AOX1: variants seen among roughly 807,000 people sequenced by gnomAD.
The protein encoded by AOX1 is aldehyde oxidase.
Under a neutral mutation model 169.5 loss-of-function variants are expected in AOX1, and 153 were observed. That is an observed-to-expected ratio of 0.90 (90% CI 0.79 to 1.03). The LOEUF (loss-of-function observed/expected upper bound fraction) is 1.03. AOX1 is among the 50% of genes least tolerant of loss of function. AOX1 has a pLI of 0.00. For missense variants in AOX1, 1,656 were observed against 1,663.9 expected, an observed-to-expected ratio of 1.00 and a Z score of 0.08; for synonymous variants, 562 against 581.9, an observed-to-expected ratio of 0.97 and a Z score of 0.49.
chr2:200,670,020 G>A (rs2035997026), intron 34 of AOX1, among the ~76,000 whole-genome samples: 1 of 151,780 alleles, frequency 6.6e-6, no homozygotes, highest in Non-Finnish European at 1.5e-5. Context: ...CTCCTGTTTT[G>A]CTCCCTTCCT....
chr2:200,591,207 C>T (rs17448359), intron 1 of AOX1, among the ~76,000 whole-genome samples: 24,931 of 152,130 alleles, frequency 0.16, 2,301 homozygotes, highest in Non-Finnish European at 0.21. Context: ...TAAAGAAGAA[C>T]AGCAGAAGAT....
rs750783401 is a variant in AOX1, at chr2:200,661,648, A to G, written c.3428+17A>G. ...ATACTTCAGGTAAATACTCCCTCTG[A>G]TCACATGCTATGGAGAAGAACAGTG... On this transcript the variant is annotated intron_variant, in intron 30 of 34. Coordinates refer to ENST00000374700, the MANE Select transcript of AOX1 (RefSeq NM_001159.4). 35 of 1,586,744 alleles carry G rather than the reference A, an allele frequency of 2.2e-5. No individual in the cohort carries two copies. The highest frequency in any genetic ancestry group is 1.9e-5 in the Non-Finnish European group (22 of 1,155,488).
intron 5 of AOX1, among the ~76,000 whole-genome samples, chr2:200,601,073 C>CTGTTTTTTT (rs2034403898): frequency 8.3e-6 from 1 of 120,482 alleles, no homozygotes; most frequent in Non-Finnish European, 1.7e-5. Flanking sequence ...GCTTAGAGTG[C>CTGTTTTTTT]TTTTTTTTTT....
chr2:200,667,377 G>T (rs2540068), intron 32 of AOX1, among the ~76,000 whole-genome samples: 1 of 151,012 alleles, frequency 6.6e-6, no homozygotes, highest in Non-Finnish European at 1.5e-5. Flanking sequence ...TACTGGGTTT[G>T]CGTGTCTCGA....
At chr2:200,601,531 C>T (rs2034413154) in intron 5 of AOX1, among the ~76,000 whole-genome samples, 1 of 151,976 alleles carries the variant, frequency 6.6e-6, no homozygotes, top group South Asian at 2.1e-4. Flanking sequence ...TAACATTGAC[C>T]GTGGTGATGG....
At chr2:200,597,270 G>A (rs1428404876) in intron 3 of AOX1, 127 bp from the exon 4 acceptor site, 1 of 549,398 alleles carries the variant, frequency 1.8e-6, no homozygotes, top group African/African-American at 1.9e-5. Context: ...AGGAGGAAAT[G>A]TATGTGTAAA....
chr2:200,593,960 A>G (rs757287227), intron 2 of AOX1, among the ~76,000 whole-genome samples: 2 of 152,196 alleles, frequency 1.3e-5, no homozygotes, highest in Non-Finnish European at 2.9e-5. Flanking sequence ...AGTGACAGAA[A>G]ACTCCACCTC....
chr2:200,610,525 C>T (rs2034612895), intron 12 of AOX1, among the ~76,000 whole-genome samples: 1 of 152,078 alleles, frequency 6.6e-6, no homozygotes, highest in Non-Finnish European at 1.5e-5. Flanking sequence ...TTAAACTGTT[C>T]CTCTTCCTTA....
intron 1 of AOX1, among the ~76,000 whole-genome samples, chr2:200,590,720 A>C (rs146807492): frequency 3.2e-4 from 48 of 152,334 alleles, no homozygotes; most frequent in Non-Finnish European, 5.3e-4. Context: ...ATATTCCTCA[A>C]GCCTAAAATG....
At chr2:200,613,232 G>C (rs1035532496) in intron 14 of AOX1, among the ~76,000 whole-genome samples, 1 of 152,096 alleles carries the variant, frequency 6.6e-6, no homozygotes, top group African/African-American at 2.4e-5. Flanking sequence ...AGCATTACTT[G>C]GTATCAGCTG....
At chr2:200,618,580 T>C (rs893433011) in intron 16 of AOX1, among the ~76,000 whole-genome samples, 2 of 152,200 alleles carry the variant, frequency 1.3e-5, no homozygotes, top group South Asian at 2.1e-4. Flanking sequence ...AAATAACACA[T>C]GCCACTCTGC....
At chr2:200,605,674 A>G (rs368170603) in intron 10 of AOX1, 46 bp downstream of exon 10, 71 of 930,304 alleles carry the variant, frequency 7.6e-5, no homozygotes, top group South Asian at 5.1e-4. Context: ...GCATTAATCA[A>G]TTTATTTACC....
chr2:200,637,475 G>A (rs2035258959), intron 22 of AOX1, among the ~76,000 whole-genome samples: 1 of 151,868 alleles, frequency 6.6e-6, no homozygotes, highest in Non-Finnish European at 1.5e-5. Context: ...AAACGTATAT[G>A]TATGTTTGTG....
chr2:200,603,999 G>T lies in AOX1; in HGVS notation c.589-18G>T. ...AAGTTGCTCGATAACAGTAATTTCT[G>T]ATATGTTCTCTTTTTAGACAAGTCC... On this transcript the variant is annotated intron_variant, in intron 7 of 34. Transcript: ENST00000374700. 2 of 1,556,188 alleles carry T rather than the reference G, an allele frequency of 1.3e-6. No individual in the cohort carries two copies. Among genetic ancestry groups the T allele is most frequent in the South Asian group, 1.1e-5 (1 of 89,754 alleles).
intron 2 of AOX1, among the ~76,000 whole-genome samples, chr2:200,593,629 A>T (rs2034219662): frequency 6.6e-6 from 1 of 152,230 alleles, no homozygotes; most frequent in Non-Finnish European, 1.5e-5. Context: ...AACTTGCCAA[A>T]TAAATGCCAT....
intron 3 of AOX1, 64 bp downstream of exon 3, chr2:200,595,432 T>C: frequency 8.2e-7 from 1 of 1,215,238 alleles, no homozygotes. Context: ...TTATATTCCT[T>C]CATTTGGTAA....
intron 25 of AOX1, among the ~76,000 whole-genome samples, chr2:200,650,526 A>G (rs1166596494): frequency 1.3e-5 from 2 of 152,208 alleles, no homozygotes; most frequent in Non-Finnish European, 2.9e-5. Context: ...TTTGTTCTTC[A>G]TCCTAGATAT....
intron 12 of AOX1, among the ~76,000 whole-genome samples, chr2:200,610,610 A>G (rs1235158556): frequency 2.0e-5 from 3 of 152,208 alleles, no homozygotes; most frequent in Non-Finnish European, 4.4e-5. Flanking sequence ...TCTCAGTAGT[A>G]TACAAATTTA....
chr2:200,679,663 C>CG (rs942985626), downstream of AOX1, among the ~76,000 whole-genome samples: 2 of 152,034 alleles, frequency 1.3e-5, no homozygotes, highest in African/African-American at 4.8e-5. Context: ...GACGCCCCCC[C>CG]CCGAGTCTGT....
Sources: gnomAD v4.1 joint callset for allele counts (sites outside exome capture counted in the v4.1 genomes callset) on GRCh38, gnomAD v4.1.1 for gene constraint, MANE v1.5 for transcripts, NCBI Gene and HGNC (gene_info 2026-07-23, HGNC 2026-07-21) for gene names.